CLEC16A: variants seen among roughly 807,000 people sequenced by gnomAD.
CLEC16A encodes the protein protein CLEC16A.
A neutral mutation model predicts 109.5 loss-of-function variants in CLEC16A; 51 were observed. The observed-to-expected ratio is 0.47, with a 90% CI of 0.37 to 0.59. The LOEUF is 0.59. CLEC16A is among the 20% of genes least tolerant of loss of function. The pLI is 0.00. For missense variants in CLEC16A, 1,339 were observed against 1,394.0 expected (o/e 0.96, Z 0.63); for synonymous variants, 673 against 564.2 (o/e 1.19, Z -2.73).
chr16:11,117,009 A>G (rs2052042675), intron 19 of CLEC16A, among the ~76,000 whole-genome samples: 1 of 152,236 alleles, frequency 6.6e-6, no homozygotes, highest in East Asian at 1.9e-4. Flanking sequence ...AGCCATAAAA[A>G]AGAACTAAGT....
chr16:11,141,015 G>C (rs970135175), intron 22 of CLEC16A, among the ~76,000 whole-genome samples: 3 of 152,254 alleles, frequency 2.0e-5, no homozygotes, highest in African/African-American at 7.2e-5. Flanking sequence ...AATGGCCACT[G>C]CTGTTGAGGA....
intron 22 of CLEC16A, among the ~76,000 whole-genome samples, chr16:11,137,713 G>A (rs1248351466): frequency 2.6e-5 from 4 of 152,040 alleles, no homozygotes; most frequent in African/African-American, 4.8e-5. Context: ...GGAGGCTGAG[G>A]CAGGAGAATT....
At chr16:10,962,142 G>A (rs187360334) in intron 2 of CLEC16A, among the ~76,000 whole-genome samples, 89 of 151,688 alleles carry the variant, frequency 5.9e-4, no homozygotes, top group Middle Eastern at 3.4e-3. Flanking sequence ...TAGAGGTAGG[G>A]GTCTTGTTAT....
At chr16:11,052,346 C>T (rs1417836627) in intron 18 of CLEC16A, among the ~76,000 whole-genome samples, 1 of 152,188 alleles carries the variant, frequency 6.6e-6, no homozygotes, top group Admixed American at 6.5e-5. Context: ...TTGCACACAG[C>T]TCCCCTTGTC....
intron 18 of CLEC16A, among the ~76,000 whole-genome samples, chr16:11,051,848 C>T (rs1042263522): frequency 6.6e-6 from 1 of 152,242 alleles, no homozygotes; most frequent in East Asian, 1.9e-4. Flanking sequence ...CATTCCGTTG[C>T]ATCTGGCACC....
intron 19 of CLEC16A, among the ~76,000 whole-genome samples, chr16:11,071,596 GTTTCT>G (rs1232054460): frequency 6.8e-6 from 1 of 146,700 alleles, no homozygotes; most frequent in Non-Finnish European, 1.5e-5. Context: ...TCAATATTAC[GTTTCT>G]TTTTTTTTTT....
At chr16:10,991,710 G>A (rs930317966) in intron 10 of CLEC16A, among the ~76,000 whole-genome samples, 1 of 152,230 alleles carries the variant, frequency 6.6e-6, no homozygotes, top group Non-Finnish European at 1.5e-5. Flanking sequence ...CTCGGTACGG[G>A]AATCAAACAC....
intron 19 of CLEC16A, among the ~76,000 whole-genome samples, chr16:11,116,899 C>G (rs1037844984): frequency 6.6e-6 from 1 of 152,156 alleles, no homozygotes; most frequent in African/African-American, 2.4e-5. Context: ...AAACTCAGCA[C>G]TATTCAAAAT....
At chr16:11,120,481 A>G in intron 19 of CLEC16A, 134 bp from the exon 20 acceptor site, 1 of 861,264 alleles carries the variant, frequency 1.2e-6, no homozygotes, top group Non-Finnish European at 1.7e-6. Context: ...ACTCAGACCT[A>G]GGTCTGTGTG....
intron 10 of CLEC16A, among the ~76,000 whole-genome samples, chr16:10,996,162 C>T (rs1019442555): frequency 2.6e-5 from 4 of 152,194 alleles, no homozygotes; most frequent in African/African-American, 7.2e-5. Context: ...GCTGAGAAAC[C>T]CACTCAACAC....
At chr16:11,039,698 A>G (rs2047213540) in intron 13 of CLEC16A, 56 bp from the exon 14 acceptor site, 11 of 1,549,142 alleles carry the variant, frequency 7.1e-6, no homozygotes, top group South Asian at 6.1e-5. Flanking sequence ...ACCTTTCGGT[A>G]TGAGGAGGTC....
At position 11,017,000 on chromosome 16, in the gene CLEC16A, C is replaced by T. The variant is rs112891327; in HGVS notation, c.1304-3193C>T. 2.3e-3 allele frequency among the ~76,000 whole-genome samples: 123 copies of T among 52,422 alleles called. 1 individual carries two copies. Among genetic ancestry groups the T allele is most frequent in the African/African-American group, 7.6e-3 (116 of 15,230 alleles). The allele number at this position is 52,422 out of a possible 152,430, so 34.4% of individuals were successfully genotyped here. A position where few individuals can be genotyped will look rare whatever the true frequency, so the allele number is the denominator to read the frequency against. ...GCCGGGGCCCATGTGAATATCGGGG[C>T]GGGGGGGGGGGTGCTCCTCCATGCC... On this transcript the variant is annotated intron_variant, in intron 11 of 23. Coordinates refer to ENST00000409790, the MANE Select transcript of CLEC16A (RefSeq NM_015226.3).
At chr16:11,004,480 C>G (rs183574299) in intron 11 of CLEC16A, among the ~76,000 whole-genome samples, 2 of 152,234 alleles carry the variant, frequency 1.3e-5, no homozygotes, top group East Asian at 3.9e-4. Context: ...CCTGTGAGCC[C>G]TCCTCCTGGG....
chr16:11,163,204 A>T (rs1268274187), intron 22 of CLEC16A, among the ~76,000 whole-genome samples: 1 of 152,152 alleles, frequency 6.6e-6, no homozygotes, highest in Non-Finnish European at 1.5e-5. Context: ...ATTCACCCTG[A>T]ATTCTCCCCA....
At chr16:11,045,464 G>T (rs2047585790) in intron 16 of CLEC16A, among the ~76,000 whole-genome samples, 1 of 152,148 alleles carries the variant, frequency 6.6e-6, no homozygotes. Context: ...CCATCTTACT[G>T]GATGACCTCA....
At chr16:11,082,203 T>A (rs192900440) in intron 19 of CLEC16A, among the ~76,000 whole-genome samples, 103 of 152,324 alleles carry the variant, frequency 6.8e-4, no homozygotes, top group African/African-American at 2.5e-3. Context: ...CACACGTGAG[T>A]GTGTGCATGT....
chr16:11,014,800 G>A lies in CLEC16A; in HGVS notation c.1304-5393G>A, dbSNP rs116958313. Among the ~76,000 whole-genome samples, 40 of 152,312 alleles carry A rather than the reference G, an allele frequency of 2.6e-4. No individual in the cohort carries two copies. In the East Asian group the frequency reaches 7.5e-3, roughly 29 times the overall value. ...AGTGTGGCGCCCGCACCTTGGGAGG[G>A]AGGCTGGCCAGTGACAACAGGGACA... On this transcript the variant is annotated intron_variant, in intron 11 of 23. Coordinates refer to ENST00000409790, the MANE Select transcript of CLEC16A (RefSeq NM_015226.3).
intron 22 of CLEC16A, among the ~76,000 whole-genome samples, chr16:11,131,636 G>C (rs2053213111): frequency 6.6e-6 from 1 of 152,180 alleles, no homozygotes; most frequent in Non-Finnish European, 1.5e-5. Flanking sequence ...AAAGTGACCT[G>C]TTCCCACCTG....
chr16:10,961,628 AAG>A lies in CLEC16A; in HGVS notation c.210-826_210-825del, dbSNP rs2042252249. ...GTGTACAGACAAGTATCCTATCCAC[AAG>A]GAGAAAGGCAGAAACAGACCTGGGG... On this transcript the variant is annotated intron_variant, in intron 2 of 23. Transcript: ENST00000409790. This position sits in a 1 kb window ranked among gnomAD's most constrained non-coding sequence, Gnocchi z 4.3. 6.6e-6 allele frequency among the ~76,000 whole-genome samples: 1 copy of A among 152,166 alleles called. No homozygotes were observed. The highest frequency in any genetic ancestry group is 1.5e-5 in the Non-Finnish European group (1 of 68,024).
Sources: gnomAD v4.1 joint callset for allele counts (sites outside exome capture counted in the v4.1 genomes callset) on GRCh38, gnomAD v4.1.1 for gene constraint, Gnocchi (gnomAD v3.1) non-coding constraint, MANE v1.5 for transcripts, NCBI Gene and HGNC (gene_info 2026-07-23, HGNC 2026-07-21) for gene names.